ZNF727: variants seen among roughly 807,000 people sequenced by gnomAD.
ZNF727 encodes the protein putative zinc finger protein 727.
Under a neutral mutation model 11.5 loss-of-function variants are expected in ZNF727, and 11 were observed. That is an observed-to-expected ratio of 0.95 (90% CI 0.60 to 1.58). The LOEUF is 1.58. Ranked by LOEUF, ZNF727 falls within the 40% of genes most tolerant of loss-of-function variation. The pLI is 0.00. For missense variants in ZNF727, 533 were observed against 581.7 expected, an observed-to-expected ratio of 0.92 and a Z score of 0.86; for synonymous variants, 171 against 196.1, an observed-to-expected ratio of 0.87 and a Z score of 1.07.
At chr7:64,055,293 C>T (rs1562791068) in intron 1 of ZNF727, among the ~76,000 whole-genome samples, 1 of 151,838 alleles carries the variant, frequency 6.6e-6, no homozygotes, top group South Asian at 2.1e-4. Flanking sequence ...TGGTGTGTAC[C>T]TGTAGTCTCA....
chr7:64,069,886 G>A (rs556990396), intron 3 of ZNF727, among the ~76,000 whole-genome samples: 1 of 151,952 alleles, frequency 6.6e-6, no homozygotes, highest in Admixed American at 6.6e-5. Context: ...CAGTGATAAA[G>A]TCTTTTTCAT....
chr7:64,072,239 C>A (rs113953184), intron 3 of ZNF727, among the ~76,000 whole-genome samples: 4,325 of 152,086 alleles, frequency 0.028, 202 homozygotes, highest in East Asian at 0.18. Flanking sequence ...TTTGGGTATG[C>A]AGTGGAGAGG....
chr7:64,063,483 CT>C (rs1789810541), intron 1 of ZNF727, among the ~76,000 whole-genome samples: 1 of 151,736 alleles, frequency 6.6e-6, no homozygotes, highest in Non-Finnish European at 1.5e-5. Flanking sequence ...AATGGAATCT[CT>C]CTCTCTCTGC....
chr7:64,063,704 T>G (rs1303084729), intron 1 of ZNF727, among the ~76,000 whole-genome samples: 1 of 152,100 alleles, frequency 6.6e-6, no homozygotes, highest in Admixed American at 6.6e-5. Flanking sequence ...ATCCTTTCCT[T>G]CAGGGCAGTG....
chr7:64,082,880 C>CAAAAA lies in ZNF727; in HGVS notation c.*4339_*4343dup, dbSNP rs112686141. Reference sequence around the variant, plus strand: ...CTGGTGAGAGAGCGAGACTCCGTCTCAAAAAAAAAAAAGAAAGAATGCAGT... The same window carrying CAAAAA: ...CTGGTGAGAGAGCGAGACTCCGTCTCAAAAAAAAAAAAAAAAAGAAAGAATGCAGT... On this transcript the variant is annotated 3_prime_UTR_variant, in exon 4 of 4. Coordinates refer to ENST00000456806, the MANE Select transcript of ZNF727 (RefSeq NM_001159522.3). Among the ~76,000 whole-genome samples, 1 of 146,780 alleles carries CAAAAA rather than the reference C, an allele frequency of 6.8e-6. No homozygotes were observed. Among genetic ancestry groups the CAAAAA allele is most frequent in the Non-Finnish European group, 1.5e-5 (1 of 66,578 alleles).
intron 1 of ZNF727, among the ~76,000 whole-genome samples, chr7:64,051,182 A>G (rs1179114027): frequency 6.6e-6 from 1 of 152,190 alleles, no homozygotes; most frequent in Admixed American, 6.5e-5. Flanking sequence ...CTAAACATAA[A>G]CTGAAATTTT....
rs563244947 is a variant in ZNF727, at chr7:64,064,910, T to C, written c.4-3981T>C. Among the ~76,000 whole-genome samples the C allele has an allele frequency of 3.9e-5, 6 of 152,246 alleles. No individual in the cohort carries two copies. In the South Asian group the frequency reaches 1.2e-3, roughly 32 times the overall value. On this transcript the variant is annotated intron_variant, in intron 1 of 3. Coordinates refer to ENST00000456806, the MANE Select transcript of ZNF727 (RefSeq NM_001159522.3). Reference sequence around the variant, plus strand: ...CATGGATTTTCTGCCTCTGCCAAGGTGCATTTCCAGGGAATGGAGGAGGGC... The same window carrying C: ...CATGGATTTTCTGCCTCTGCCAAGGCGCATTTCCAGGGAATGGAGGAGGGC...
chr7:64,046,611 G>C (rs547718020), intron 1 of ZNF727, among the ~76,000 whole-genome samples: 7 of 152,194 alleles, frequency 4.6e-5, no homozygotes, highest in Non-Finnish European at 1.0e-4. Flanking sequence ...CCTGGGTGGG[G>C]CCCCCCCAGA....
chr7:64,069,832 T>C (rs1172012701), intron 3 of ZNF727, among the ~76,000 whole-genome samples: 2 of 152,126 alleles, frequency 1.3e-5, no homozygotes, highest in Non-Finnish European at 2.9e-5. Context: ...TTGTTGTTGC[T>C]GCTGTTGTTG....
chr7:64,064,047 G>A (rs951812186), intron 1 of ZNF727, among the ~76,000 whole-genome samples: 2 of 152,136 alleles, frequency 1.3e-5, no homozygotes, highest in East Asian at 1.9e-4. Flanking sequence ...CTGGCTCAGG[G>A]TGGTTCCAGA....
At chr7:64,046,320 C>CA (rs1789506266) in intron 1 of ZNF727, among the ~76,000 whole-genome samples, 1 of 152,210 alleles carries the variant, frequency 6.6e-6, no homozygotes, top group South Asian at 2.1e-4. Context: ...GCATGAGCCA[C>CA]TGTCGTAGCC....
chr7:64,063,300 T>G (rs1443516795), intron 1 of ZNF727, among the ~76,000 whole-genome samples: 1 of 152,176 alleles, frequency 6.6e-6, no homozygotes, highest in Non-Finnish European at 1.5e-5. Flanking sequence ...TGTTGTAATC[T>G]AAGTCTTTGA....
chr7:64,063,998 T>C (rs1789823191), intron 1 of ZNF727, among the ~76,000 whole-genome samples: 1 of 152,046 alleles, frequency 6.6e-6, no homozygotes, highest in Non-Finnish European at 1.5e-5. Flanking sequence ...TGAACTCTGC[T>C]GGGCCTGCTT....
At position 64,080,155 on chromosome 7, in the gene ZNF727, A is replaced by G. The variant is rs1265056673; in HGVS notation, c.*1606A>G. ...CTTGGGGATGACCTTCTCGTGGGGT[A>G]TATTATTGGGGTTCTCCACATTTCT... On this transcript the variant is annotated 3_prime_UTR_variant, in exon 4 of 4. Coordinates refer to ENST00000456806, the MANE Select transcript of ZNF727 (RefSeq NM_001159522.3). Among the ~76,000 whole-genome samples, 1 of 151,978 alleles carries G rather than the reference A, an allele frequency of 6.6e-6. No individual in the cohort carries two copies. Among genetic ancestry groups the G allele is most frequent in the African/African-American group, 2.4e-5 (1 of 41,376 alleles).
At chr7:64,047,880 A>G (rs1789533200) in intron 1 of ZNF727, among the ~76,000 whole-genome samples, 1 of 152,258 alleles carries the variant, frequency 6.6e-6, no homozygotes. Context: ...GTGAAGGAGA[A>G]TAACTGTCCC....
intron 1 of ZNF727, among the ~76,000 whole-genome samples, chr7:64,052,128 T>C (rs1041515404): frequency 6.6e-6 from 1 of 152,218 alleles, no homozygotes; most frequent in African/African-American, 2.4e-5. Flanking sequence ...GTACCAGGTC[T>C]AAGTGTGCTG....
intron 1 of ZNF727, among the ~76,000 whole-genome samples, chr7:64,067,899 C>CT (rs574091576): frequency 3.0e-5 from 2 of 65,670 alleles, no homozygotes; most frequent in African/African-American, 1.5e-4. Context: ...GAACTTAAAG[C>CT]TTTTAAAAAA....
intron 1 of ZNF727, among the ~76,000 whole-genome samples, chr7:64,057,198 T>C (rs994581401): frequency 6.6e-6 from 1 of 152,142 alleles, no homozygotes; most frequent in African/African-American, 2.4e-5. Context: ...GGTTCAGTGC[T>C]CTCTAAGTAT....
intron 1 of ZNF727, among the ~76,000 whole-genome samples, chr7:64,062,841 C>G (rs980964395): frequency 3.3e-5 from 5 of 150,310 alleles, no homozygotes; most frequent in African/African-American, 1.2e-4. Flanking sequence ...TTTCAAATAG[C>G]CTGTGTTCAA....
Sources: allele counts gnomAD v4.1 joint callset (sites outside exome capture counted in the v4.1 genomes callset), GRCh38; gene constraint gnomAD v4.1.1; transcripts MANE v1.5; gene names NCBI Gene and HGNC (gene_info 2026-07-23, HGNC 2026-07-21).